TRIP13: variants seen among roughly 807,000 people sequenced by gnomAD.
TRIP13 encodes pachytene checkpoint protein 2 homolog.
A neutral mutation model predicts 54.4 loss-of-function variants in TRIP13; 25 were observed. The ratio of observed to expected loss-of-function variants is 0.46; its 90% CI spans 0.33 to 0.64. The LOEUF is 0.64. TRIP13 is among the 30% of genes least tolerant of loss of function. The pLI is 0.02. For synonymous variants in TRIP13, 207 were observed against 207.8 expected (o/e 1.00, Z 0.03); for missense variants, 373 against 534.2 (o/e 0.70, Z 2.97).
Position 908,173 on chromosome 5 carries a change from C to A in TRIP13, c.759+99C>A. On this transcript the variant is annotated intron_variant, in intron 8 of 12. Coordinates refer to ENST00000166345, the MANE Select transcript of TRIP13 (RefSeq NM_004237.4). The surrounding 1 kb of genome is among the most constrained non-coding windows in gnomAD (Gnocchi z 5.2). ...TGCTCCTAGCTTTCCCCTCCTACAG[C>A]CGGGCTGCCCTCTATCCCTCCCTGC... 6.8e-7 allele frequency: 1 copy of A among 1,465,312 alleles called. No individual in the cohort carries two copies. The highest frequency in any genetic ancestry group is 9.5e-7 in the Non-Finnish European group (1 of 1,049,364). The allele number at this position is 1,465,312 out of a possible 1,614,324, so 90.8% of individuals were successfully genotyped here. A position where few individuals can be genotyped will look rare whatever the true frequency, so the allele number is the denominator to read the frequency against.
chr5:895,383 A>G (rs1221845069), intron 2 of TRIP13, among the ~76,000 whole-genome samples: 1 of 152,156 alleles, frequency 6.6e-6, no homozygotes, highest in Admixed American at 6.6e-5. Flanking sequence ...CTCACCCACC[A>G]TCTGAGTTGA....
Position 900,549 on chromosome 5 carries a change from T to C in TRIP13, c.444T>C (p.His148=), listed in dbSNP as rs770607074. ...SLVYDVEVKS[H]LLDYVMTTLL... is the part of the protein sequence containing the mutation. ...TATACGATGTGGAAGTCAAATCCCA[T>C]GTAAGTTGCTGTGCCTTTTCCCAGA... is the stretch of plus-strand genomic sequence containing the variant. Residue 148 remains histidine (H), a splice_region_variant and synonymous_variant, in exon 4 of 13, where the codon CAT becomes CAC. Coordinates refer to ENST00000166345, the MANE Select transcript of TRIP13 (RefSeq NM_004237.4). 8.1e-6 allele frequency: 13 copies of C among 1,611,136 alleles called. No individual in the cohort carries two copies. Among genetic ancestry groups the C allele is most frequent in the Admixed American group, 3.4e-5 (2 of 59,064 alleles).
intron 5 of TRIP13, among the ~76,000 whole-genome samples, chr5:903,141 G>A (rs572828439): frequency 6.6e-6 from 1 of 152,004 alleles, no homozygotes; most frequent in Non-Finnish European, 1.5e-5. Flanking sequence ...CTCCCCGGGG[G>A]AAAGGGAGAC....
At position 907,190 on chromosome 5, in the gene TRIP13, G is replaced by A. The variant is rs199957561; in HGVS notation, c.669G>A (p.Ser223=). The A allele has an allele frequency of 2.5e-5, 40 of 1,612,244 alleles. No homozygotes were observed. Among genetic ancestry groups the A allele is most frequent in the East Asian group, 4.5e-5 (2 of 44,870 alleles). ...NSHSLFSKWF[S]ESGKLVTKMF... is the part of the protein sequence containing the mutation. ...ACAGCCTCTTTTCTAAGTGGTTTTC[G>A]GAAGTAAGTATTAAATATTAATTCT... Residue 223 remains serine (S), a synonymous_variant, in exon 7 of 13, where the codon TCG becomes TCA. Transcript: ENST00000166345. The surrounding 1 kb of genome is among the most constrained non-coding windows in gnomAD (Gnocchi z 4.1).
chr5:901,932 T>A (rs1279736327), intron 5 of TRIP13, among the ~76,000 whole-genome samples: 1 of 152,226 alleles, frequency 6.6e-6, no homozygotes. Context: ...CCCTGGGGCA[T>A]TGATTACTCG....
At position 896,804 on chromosome 5, in the gene TRIP13, G is replaced by A; in HGVS notation, c.388+10G>A. 1.2e-6 allele frequency: 2 copies of A among 1,612,090 alleles called. No individual in the cohort carries two copies. Among genetic ancestry groups the A allele is most frequent in the South Asian group, 1.1e-5 (1 of 90,778 alleles). ...TGGGTTCTACCTGCAGGTATGGGGTGTGATGGGAGTTGAAGGGGAGGCTGA... is the reference window on the plus strand; with the variant it reads ...TGGGTTCTACCTGCAGGTATGGGGTATGATGGGAGTTGAAGGGGAGGCTGA... On this transcript the variant is annotated intron_variant, in intron 3 of 12. Transcript: ENST00000166345.
intron 4 of TRIP13, 98 bp downstream of exon 4, chr5:900,647 G>A: frequency 7.7e-7 from 1 of 1,297,246 alleles, no homozygotes; most frequent in Non-Finnish European, 1.1e-6. Flanking sequence ...ATGCAGATGG[G>A]TTTTTGGGAG....
chr5:912,121 T>C lies in TRIP13; in HGVS notation c.1020+125T>C. 1 of 1,254,652 alleles carries C rather than the reference T, an allele frequency of 8.0e-7. No homozygotes were observed. 77.7% of individuals were successfully genotyped at this position (1,254,652 alleles called of 1,614,324 possible). A position where few individuals can be genotyped will look rare whatever the true frequency, so the allele number is the denominator to read the frequency against. The stretch of plus-strand genomic sequence containing the variant: ...TTCAACATATGCATTAACTCCCTTC[T>C]TAAATTGAAAACTAGTTTTGTATGT... On this transcript the variant is annotated intron_variant, in intron 10 of 12. Coordinates refer to ENST00000166345, the MANE Select transcript of TRIP13 (RefSeq NM_004237.4). This position sits in a 1 kb window ranked among gnomAD's most constrained non-coding sequence, Gnocchi z 7.2.
At chr5:893,168 A>G in intron 1 of TRIP13, 78 bp downstream of exon 1, 2 of 1,102,422 alleles carry the variant, frequency 1.8e-6, no homozygotes, top group East Asian at 6.0e-5. Flanking sequence ...CCCCGACCCC[A>G]GCGCACTGAT....
At chr5:900,145 C>T (rs73734001) in intron 3 of TRIP13, among the ~76,000 whole-genome samples, 7,180 of 152,248 alleles carry the variant, frequency 0.047, 530 homozygotes, top group African/African-American at 0.16. Flanking sequence ...TTATGTTATA[C>T]GTCAATGGAA....
rs1039143083 is a variant in TRIP13, at chr5:896,941, T to C, written c.388+147T>C. 1.2e-4 allele frequency: 123 copies of C among 1,019,018 alleles called. 1 individual carries two copies. Among genetic ancestry groups the C allele is most frequent in the Non-Finnish European group, 1.1e-4 (79 of 729,604 alleles). The allele number at this position is 1,019,018 out of a possible 1,614,324, so 63.1% of individuals were successfully genotyped here. On this transcript the variant is annotated intron_variant, in intron 3 of 12. Transcript: ENST00000166345. ...TCTCTCTTATGAAATGGAAAGTATA[T>C]CACAAAAGAGGAAAGTAGAGATTTC...
In TRIP13 at chr5:908,841, C is replaced by T; in HGVS notation, c.866+380C>T. ...GGCATGATGGCGGGCGCCTGTAGTC[C>T]CAGCTACTCTGGAGGCTGAGGCAGG... On this transcript the variant is annotated intron_variant, in intron 9 of 12. Transcript: ENST00000166345. The surrounding 1 kb of genome is among the most constrained non-coding windows in gnomAD (Gnocchi z 5.2). 1 of 261,002 alleles carries T rather than the reference C, an allele frequency of 3.8e-6. No homozygotes were observed. Among genetic ancestry groups the T allele is most frequent in the South Asian group, 6.2e-5 (1 of 16,116 alleles). 16.2% of individuals were successfully genotyped at this position (261,002 alleles called of 1,614,324 possible). A position where few individuals can be genotyped will look rare whatever the true frequency, so the allele number is the denominator to read the frequency against.
chr5:894,459 A>G (rs1753847819), intron 1 of TRIP13, among the ~76,000 whole-genome samples: 1 of 152,230 alleles, frequency 6.6e-6, no homozygotes, highest in African/African-American at 2.4e-5. Context: ...GTGAAAGCCA[A>G]CATTATTGCG....
Position 913,086 on chromosome 5 carries a change from C to T in TRIP13, c.1020+1090C>T, listed in dbSNP as rs111878554. Among the ~76,000 whole-genome samples, 27 of 152,224 alleles carry T rather than the reference C, an allele frequency of 1.8e-4. No individual in the cohort carries two copies. The highest frequency in any genetic ancestry group is 5.5e-4 in the African/African-American group (23 of 41,522). On this transcript the variant is annotated intron_variant, in intron 10 of 12. Coordinates refer to ENST00000166345, the MANE Select transcript of TRIP13 (RefSeq NM_004237.4). The surrounding 1 kb of genome is among the most constrained non-coding windows in gnomAD (Gnocchi z 4.5). The stretch of plus-strand genomic sequence containing the variant: ...TTTCTTGGGGGTTGGGGAAAGGAGA[C>T]GGAGCTCTGTGGAGCTTTGCCTGGA...
intron 9 of TRIP13, among the ~76,000 whole-genome samples, chr5:909,893 C>T (rs1754194943): frequency 6.6e-6 from 1 of 152,244 alleles, no homozygotes; most frequent in Non-Finnish European, 1.5e-5. Context: ...CCACCCTGGG[C>T]GGGCCAGGTG....
intron 9 of TRIP13, among the ~76,000 whole-genome samples, chr5:909,370 T>C (rs1754183301): frequency 6.6e-6 from 1 of 152,226 alleles, no homozygotes; most frequent in Non-Finnish European, 1.5e-5. Context: ...TCAGGGTGCC[T>C]GGGGAGTCCC....
At chr5:906,314 G>A (rs1754114478) in intron 6 of TRIP13, among the ~76,000 whole-genome samples, 1 of 152,074 alleles carries the variant, frequency 6.6e-6, no homozygotes, top group Admixed American at 6.6e-5. Context: ...TTATGGCTTA[G>A]AAATGGCAAA....
intron 12 of TRIP13, among the ~76,000 whole-genome samples, chr5:916,786 C>CGGGG (rs1221868691): frequency 1.4e-5 from 2 of 147,978 alleles, no homozygotes; most frequent in African/African-American, 5.3e-5. Context: ...CAGGACATGG[C>CGGGG]GGGGGCGGGG....
In TRIP13 at chr5:908,399, C is replaced by G. The variant is rs367951777; in HGVS notation, c.804C>G (p.Thr268=). ...CCCGAAATGCCTGCAGGGCGGGCAC[C>G]GAGCCATCAGATGCCATCCGCGTGG... is the stretch of plus-strand genomic sequence containing the variant. ...TAARNACRAG[T]EPSDAIRVVN... The change falls in exon 9 of 13, where the codon ACC becomes ACG. Residue 268 remains threonine, a synonymous_variant. Coordinates refer to ENST00000166345, the MANE Select transcript of TRIP13 (RefSeq NM_004237.4). The surrounding 1 kb of genome is among the most constrained non-coding windows in gnomAD (Gnocchi z 5.2). 1 of 1,613,240 alleles carries G rather than the reference C, an allele frequency of 6.2e-7. No homozygotes were observed. Among genetic ancestry groups the G allele is most frequent in the Non-Finnish European group, 8.5e-7 (1 of 1,180,044 alleles).
Sources: allele counts gnomAD v4.1 joint callset (sites outside exome capture counted in the v4.1 genomes callset), GRCh38; gene constraint gnomAD v4.1.1; non-coding constraint Gnocchi (gnomAD v3.1); transcripts MANE v1.5; gene names NCBI Gene and HGNC (gene_info 2026-07-23, HGNC 2026-07-21).